Variants in CLYBL observed in about 807,000 individuals in gnomAD.
CLYBL encodes citramalyl-CoA lyase.
A neutral mutation model predicts 38.9 loss-of-function variants in CLYBL; 31 were observed. The ratio of observed to expected loss-of-function variants is 0.80; its 90% CI spans 0.60 to 1.08. The LOEUF (loss-of-function observed/expected upper bound fraction) is 1.08, where lower values mean the gene tolerates loss of function less well. Ranked by LOEUF, CLYBL falls within the 50% of genes least tolerant of loss-of-function variation. CLYBL has a pLI of 0.00. For synonymous variants in CLYBL, 171 were observed against 158.6 expected (o/e 1.08, Z -0.59); for missense variants, 434 against 411.6 (o/e 1.05, Z -0.47).
chr13:99,745,905 A>T (rs2139616038), intron 1 of CLYBL, among the ~76,000 whole-genome samples: 1 of 152,272 alleles, frequency 6.6e-6, no homozygotes, highest in South Asian at 2.1e-4. Context: ...AAAAAGTCAA[A>T]ATTCTAAGCT....
chr13:99,774,098 C>T (rs975623728), intron 2 of CLYBL, among the ~76,000 whole-genome samples: 10 of 151,726 alleles, frequency 6.6e-5, no homozygotes, highest in East Asian at 1.9e-4. Flanking sequence ...CCAGGTGTGG[C>T]GGCGTGTACC....
chr13:99,899,387 G>C (rs1348340855), downstream of CLYBL, among the ~76,000 whole-genome samples: 2 of 152,216 alleles, frequency 1.3e-5, no homozygotes, highest in Non-Finnish European at 2.9e-5. Flanking sequence ...TTTCCTGGAT[G>C]TTGTTCCCTG....
intron 1 of CLYBL, among the ~76,000 whole-genome samples, chr13:99,649,159 C>G (rs530057371): frequency 3.3e-5 from 5 of 152,196 alleles, no homozygotes; most frequent in Admixed American, 2.6e-4. Context: ...TCCATCTCCC[C>G]CCAGCACAGA....
chr13:99,813,488 G>C (rs1417444844), intron 2 of CLYBL, among the ~76,000 whole-genome samples: 1 of 152,154 alleles, frequency 6.6e-6, no homozygotes, highest in Non-Finnish European at 1.5e-5. Context: ...GCAATCTTCA[G>C]TGTTCATGGG....
At chr13:99,818,084 GA>G (rs77281262) in intron 2 of CLYBL, among the ~76,000 whole-genome samples, 40 of 144,270 alleles carry the variant, frequency 2.8e-4, no homozygotes, top group African/African-American at 8.1e-4. Context: ...GAGGAAGGGA[GA>G]AAAAAAAAAG....
At chr13:99,772,703 AT>A (rs1435728739) in intron 1 of CLYBL, 120 bp from the exon 2 acceptor site, 291 of 882,268 alleles carry the variant, frequency 3.3e-4, no homozygotes, top group Middle Eastern at 1.1e-3. Context: ...TCTCAAAAAA[AT>A]AAAAATAAAA....
chr13:99,694,823 G>C (rs1178227583), intron 1 of CLYBL, among the ~76,000 whole-genome samples: 1 of 152,184 alleles, frequency 6.6e-6, no homozygotes, highest in Non-Finnish European at 1.5e-5. Flanking sequence ...TCAGACCTTA[G>C]ACCTAAATGA....
chr13:99,618,362 T>C (rs1444771131), intron 1 of CLYBL, among the ~76,000 whole-genome samples: 2 of 152,032 alleles, frequency 1.3e-5, no homozygotes, highest in Non-Finnish European at 2.9e-5. Flanking sequence ...CTCTGCCTCC[T>C]GGGTTCAAGC....
At position 99,869,891 on chromosome 13, in the gene CLYBL, C is replaced by A. The variant is rs952823002; in HGVS notation, c.803-1047C>A. 1.3e-5 allele frequency among the ~76,000 whole-genome samples: 2 copies of A among 151,954 alleles called. No individual in the cohort carries two copies. Among genetic ancestry groups the A allele is most frequent in the African/African-American group, 4.8e-5 (2 of 41,392 alleles). ...TTTAAAGAGCCAATTATGTTCATAACTTTATCACGTAACAATATAATCTCA... is the reference window on the plus strand; with the variant it reads ...TTTAAAGAGCCAATTATGTTCATAAATTTATCACGTAACAATATAATCTCA... On this transcript the variant is annotated intron_variant, in intron 6 of 8. Transcript: ENST00000339105. The surrounding 1 kb of genome is among the most constrained non-coding windows in gnomAD (Gnocchi z 4.3).
chr13:99,800,882 A>AAAC (rs202041984), intron 2 of CLYBL, among the ~76,000 whole-genome samples: 2 of 148,624 alleles, frequency 1.3e-5, no homozygotes, highest in East Asian at 3.9e-4. Context: ...TCAAATTAAA[A>AAAC]AACAACAACA....
intron 2 of CLYBL, among the ~76,000 whole-genome samples, chr13:99,809,357 A>G (rs1456460240): frequency 6.6e-6 from 1 of 152,200 alleles, no homozygotes; most frequent in Non-Finnish European, 1.5e-5. Flanking sequence ...TCTGTGCATG[A>G]CCAGTGTCAT....
chr13:99,656,036 C>T (rs146157355), intron 1 of CLYBL, among the ~76,000 whole-genome samples: 16 of 152,190 alleles, frequency 1.1e-4, no homozygotes, highest in South Asian at 2.1e-4. Context: ...GACAGTCTCG[C>T]GGGGAGACCT....
chr13:99,791,858 T>A (rs1255445434), intron 2 of CLYBL, among the ~76,000 whole-genome samples: 3 of 152,156 alleles, frequency 2.0e-5, no homozygotes, highest in African/African-American at 7.2e-5. Context: ...TACCTTAGAG[T>A]CCTGACTCTC....
intron 1 of CLYBL, among the ~76,000 whole-genome samples, chr13:99,757,000 G>A (rs1368632354): frequency 6.6e-6 from 1 of 151,848 alleles, no homozygotes; most frequent in Non-Finnish European, 1.5e-5. Flanking sequence ...AGGCTCAGGC[G>A]GTCCTCTCAC....
intron 2 of CLYBL, among the ~76,000 whole-genome samples, chr13:99,786,234 T>G (rs1296788002): frequency 6.6e-6 from 1 of 150,636 alleles, no homozygotes; most frequent in East Asian, 2.0e-4. Flanking sequence ...TACTTTAAGT[T>G]CTAGGATACA....
At position 99,865,008 on chromosome 13, in the gene CLYBL, AC is replaced by A. The variant is rs753020570; in HGVS notation, c.634+98del. ...CCCCTCAAGGATGGACATTTACATA[AC>A]AATGTATATTTGCCAACCATGACAA... On this transcript the variant is annotated intron_variant, in intron 5 of 8. Transcript: ENST00000339105. This position sits in a 1 kb window ranked among gnomAD's most constrained non-coding sequence, Gnocchi z 4.7. 2 of 871,746 alleles carry A rather than the reference AC, an allele frequency of 2.3e-6. No individual in the cohort carries two copies. Among genetic ancestry groups the A allele is most frequent in the African/African-American group, 3.3e-5 (2 of 60,546 alleles). 54.0% of individuals were successfully genotyped at this position (871,746 alleles called of 1,614,324 possible).
chr13:99,758,635 C>T (rs1443327086), intron 1 of CLYBL, among the ~76,000 whole-genome samples: 3 of 152,206 alleles, frequency 2.0e-5, no homozygotes, highest in African/African-American at 7.2e-5. Context: ...GTGGTAAAGC[C>T]TTCCTTCTCC....
At chr13:99,627,597 A>T (rs1244235888) in intron 1 of CLYBL, among the ~76,000 whole-genome samples, 4 of 152,068 alleles carry the variant, frequency 2.6e-5, no homozygotes, top group African/African-American at 4.8e-5. Context: ...TGAATTTGAA[A>T]TTTTTTTTAA....
rs1030308904 is a variant in CLYBL, at chr13:99,871,040, A to G, written c.905A>G (p.Lys302Arg). 2 of 1,613,974 alleles carry G rather than the reference A, an allele frequency of 1.2e-6. No individual in the cohort carries two copies. The highest frequency in any genetic ancestry group is 3.3e-5 in the Admixed American group (2 of 60,002). ...KWAEELIAAF[K>R]EHQQLGKGAF... ...GCTGAAGAACTGATTGCTGCCTTTA[A>G]AGAACATCAACAATTAGGAAAGGTA... The change falls in exon 7 of 9, where the codon AAA (lysine) becomes AGA (arginine). Residue 302 changes from lysine (K) to arginine (R), a missense_variant. Physicochemically the swap from Lys to Arg is conservative, Grantham distance 26 (BLOSUM62 2). Coordinates refer to ENST00000339105, the MANE Select transcript of CLYBL (RefSeq NM_206808.5).
Sources: allele counts gnomAD v4.1 joint callset (sites outside exome capture counted in the v4.1 genomes callset), GRCh38; gene constraint gnomAD v4.1.1; non-coding constraint Gnocchi (gnomAD v3.1); transcripts MANE v1.5; gene names NCBI Gene and HGNC (gene_info 2026-07-23, HGNC 2026-07-21).